The following PCDHGA8 variants were observed in gnomAD, a reference collection of about 807,000 sequenced individuals.
The protein encoded by PCDHGA8 is protocadherin gamma subfamily A, 8, also known as protocadherin gamma-A8.
PCDHGA8 carries 45 observed loss-of-function variants against 59.2 expected under a neutral mutation model. The observed-to-expected ratio is 0.76, with a 90% CI of 0.60 to 0.98. The LOEUF is 0.98. PCDHGA8 is among the 50% of genes least tolerant of loss of function. The probability of loss-of-function intolerance (pLI) is 0.00; values close to 1 mark genes in which losing one functional copy is unlikely to be tolerated. For synonymous variants in PCDHGA8, 531 were observed against 519.0 expected (o/e 1.02, Z -0.32); for missense variants, 1,257 against 1,196.2 (o/e 1.05, Z -0.75).
At chr5:141,446,766 C>T (rs1335326278) in intron 1 of PCDHGA8, among the ~76,000 whole-genome samples, 7 of 152,208 alleles carry the variant, frequency 4.6e-5, no homozygotes, top group East Asian at 3.9e-4. Context: ...CGCGCCCAGC[C>T]GGTTACCATT....
Position 141,491,067 on chromosome 5 carries a change from G to A in PCDHGA8, c.2425-3740G>A, listed in dbSNP as rs752758445. On this transcript the variant is annotated intron_variant, in intron 1 of 3. Coordinates refer to ENST00000398604, the MANE Select transcript of PCDHGA8 (RefSeq NM_032088.2). This position sits in a 1 kb window ranked among gnomAD's most constrained non-coding sequence, Gnocchi z 6.9. ...ACAATGCGTGGCTCTCCTACTCACT[G>A]TTGCCACAGTCCACAGCCCCAGGAC... is the stretch of plus-strand genomic sequence containing the variant. 6.2e-7 allele frequency: 1 copy of A among 1,614,200 alleles called. No individual in the cohort carries two copies. Among genetic ancestry groups the A allele is most frequent in the East Asian group, 2.2e-5 (1 of 44,892 alleles).
Position 141,476,870 on chromosome 5 carries a change from C to T in PCDHGA8, c.2425-17937C>T, listed in dbSNP as rs2099400432. 3 of 1,613,772 alleles carry T rather than the reference C, an allele frequency of 1.9e-6. No individual in the cohort carries two copies. Among genetic ancestry groups the T allele is most frequent in the South Asian group, 1.1e-5 (1 of 91,094 alleles). On this transcript the variant is annotated intron_variant, in intron 1 of 3. Coordinates refer to ENST00000398604, the MANE Select transcript of PCDHGA8 (RefSeq NM_032088.2). The surrounding 1 kb of genome is among the most constrained non-coding windows in gnomAD (Gnocchi z 7.6). ...CTTCAACCAGTCCTTGTACCGGGCGCGCGTCCTGGAGGATGCACCCTCCGG... is the reference window on the plus strand; with the variant it reads ...CTTCAACCAGTCCTTGTACCGGGCGTGCGTCCTGGAGGATGCACCCTCCGG...
At chr5:141,419,254 C>A in intron 1 of PCDHGA8, 1 of 1,614,020 alleles carries the variant, frequency 6.2e-7, no homozygotes, top group Non-Finnish European at 8.5e-7. Context: ...CAGAAAACAA[C>A]CAGCCGGGTG....
In PCDHGA8 at chr5:141,491,552, G is replaced by A. The variant is rs769927075; in HGVS notation, c.2425-3255G>A. 1 of 1,614,008 alleles carries A rather than the reference G, an allele frequency of 6.2e-7. No individual in the cohort carries two copies. The highest frequency in any genetic ancestry group is 1.7e-5 in the Admixed American group (1 of 60,024). On this transcript the variant is annotated intron_variant, in intron 1 of 3. Coordinates refer to ENST00000398604, the MANE Select transcript of PCDHGA8 (RefSeq NM_032088.2). This position sits in a 1 kb window ranked among gnomAD's most constrained non-coding sequence, Gnocchi z 6.9. Reference sequence around the variant, plus strand: ...ACGCTGCGGCCCACAGACTCGCAGAGCCACTGCTACAGGACGTGCTTTTCA... The same window carrying A: ...ACGCTGCGGCCCACAGACTCGCAGAACCACTGCTACAGGACGTGCTTTTCA...
chr5:141,500,036 T>C (rs1001193977), intron 2 of PCDHGA8, among the ~76,000 whole-genome samples: 8 of 152,176 alleles, frequency 5.3e-5, no homozygotes, highest in African/African-American at 1.9e-4. Flanking sequence ...TGAGTGTCTC[T>C]TAAGTATCTT....
chr5:141,417,839 C>A, intron 1 of PCDHGA8: 1 of 1,534,218 alleles, frequency 6.5e-7, no homozygotes, highest in South Asian at 1.2e-5. Flanking sequence ...AGCGGGGACC[C>A]AGCGAGAACC....
chr5:141,414,776 T>G (rs766689016), intron 1 of PCDHGA8: 14 of 1,614,212 alleles, frequency 8.7e-6, no homozygotes, highest in Non-Finnish European at 1.1e-5. Context: ...GAGCTACAGA[T>G]GCAGGTGACA....
chr5:141,404,739 G>A, intron 1 of PCDHGA8: 1 of 1,614,092 alleles, frequency 6.2e-7, no homozygotes, highest in Non-Finnish European at 8.5e-7. Flanking sequence ...GCAGTGGACA[G>A]AGACTCAGGC....
At chr5:141,504,817 G>T in intron 2 of PCDHGA8, among the ~76,000 whole-genome samples, 1 of 151,940 alleles carries the variant, frequency 6.6e-6, no homozygotes, top group East Asian at 1.9e-4. Flanking sequence ...TACCTCCTAG[G>T]TCCCCACTTT....
At chr5:141,398,287 C>G in intron 1 of PCDHGA8, 1 of 1,396,196 alleles carries the variant, frequency 7.2e-7, no homozygotes, top group Non-Finnish European at 9.8e-7. Flanking sequence ...CGCCACGGAC[C>G]TGGGGTTCAG....
chr5:141,478,143 A>T (rs759384540), intron 1 of PCDHGA8: 1 of 1,614,014 alleles, frequency 6.2e-7, no homozygotes, highest in Non-Finnish European at 8.5e-7. Flanking sequence ...GCCCGAGCCG[A>T]GTTCCCCTCT....
intron 1 of PCDHGA8, chr5:141,398,523 A>T (rs988295276): frequency 6.2e-7 from 1 of 1,613,602 alleles, no homozygotes; most frequent in Non-Finnish European, 8.5e-7. Context: ...ACACGCCAAA[A>T]TTCACGCAAA....
rs1328476453 is a variant in PCDHGA8, at chr5:141,431,444, C to T, written c.2424+36207C>T. 4.3e-6 allele frequency: 7 copies of T among 1,613,732 alleles called. No homozygotes were observed. The highest frequency in any genetic ancestry group is 5.9e-6 in the Non-Finnish European group (7 of 1,180,022). On this transcript the variant is annotated intron_variant, in intron 1 of 3. Transcript: ENST00000398604. The surrounding 1 kb of genome is among the most constrained non-coding windows in gnomAD (Gnocchi z 4.8). ...GGTGCGCACAGGCACCGCGCGCATCCGCGTGATGGTTCTGGATGCGAACGA... is the reference window on the plus strand; with the variant it reads ...GGTGCGCACAGGCACCGCGCGCATCTGCGTGATGGTTCTGGATGCGAACGA...
rs747268184 is a variant in PCDHGA8, at chr5:141,489,769, C to A, written c.2425-5038C>A. On this transcript the variant is annotated intron_variant, in intron 1 of 3. Coordinates refer to ENST00000398604, the MANE Select transcript of PCDHGA8 (RefSeq NM_032088.2). This position sits in a 1 kb window ranked among gnomAD's most constrained non-coding sequence, Gnocchi z 4.5. ...CTTTTACACTCTAAGCCCCAACAGC[C>A]ACTTCTCTCTGAATGTGAAGACCCT... The A allele has an allele frequency of 6.2e-7, 1 of 1,614,156 alleles. No individual in the cohort carries two copies. The highest frequency in any genetic ancestry group is 1.1e-5 in the South Asian group (1 of 91,080).
intron 1 of PCDHGA8, 62 bp from the exon 2 acceptor site, chr5:141,494,745 G>T: frequency 1.2e-6 from 2 of 1,612,802 alleles, no homozygotes; most frequent in African/African-American, 1.3e-5. Context: ...ATCCCTAGGG[G>T]CTCGGGTGAC....
rs1257565821 is a variant in PCDHGA8, at chr5:141,487,319, C to G, written c.2425-7488C>G. ...ATTCGTGGCACTACTCTCTAAGTGTCTTCGTGGGGCAGCCTGTGGAGTCAC... is the reference window on the plus strand; with the variant it reads ...ATTCGTGGCACTACTCTCTAAGTGTGTTCGTGGGGCAGCCTGTGGAGTCAC... On this transcript the variant is annotated intron_variant, in intron 1 of 3. Transcript: ENST00000398604. The surrounding 1 kb of genome is among the most constrained non-coding windows in gnomAD (Gnocchi z 5.0). The G allele has an allele frequency of 6.2e-7, 1 of 1,614,052 alleles. No homozygotes were observed. The highest frequency in any genetic ancestry group is 1.3e-5 in the African/African-American group (1 of 74,930).
chr5:141,477,189 A>G lies in PCDHGA8; in HGVS notation c.2425-17618A>G, dbSNP rs377372902. ...CCGGAGATCACAGTCACCTCCGTGT[A>G]CAGCCCAGTACCCGAGGATGCCCCT... On this transcript the variant is annotated intron_variant, in intron 1 of 3. Coordinates refer to ENST00000398604, the MANE Select transcript of PCDHGA8 (RefSeq NM_032088.2). The surrounding 1 kb of genome is among the most constrained non-coding windows in gnomAD (Gnocchi z 4.9). 6.2e-7 allele frequency: 1 copy of G among 1,614,070 alleles called. No homozygotes were observed. The highest frequency in any genetic ancestry group is 8.5e-7 in the Non-Finnish European group (1 of 1,180,040).
intron 1 of PCDHGA8, chr5:141,422,056 G>A: frequency 8.7e-6 from 14 of 1,611,934 alleles, no homozygotes; most frequent in Non-Finnish European, 1.2e-5. Flanking sequence ...AATCAACGGG[G>A]AAGTAATGTA....
chr5:141,479,453 A>G (rs994349416), intron 1 of PCDHGA8: 1 of 152,266 alleles, frequency 6.6e-6, no homozygotes, highest in Non-Finnish European at 1.5e-5. Context: ...TAAGTTCAGC[A>G]TGAATACAGT....
Sources: gnomAD v4.1 joint callset for allele counts (sites outside exome capture counted in the v4.1 genomes callset) on GRCh38, gnomAD v4.1.1 for gene constraint, Gnocchi (gnomAD v3.1) non-coding constraint, MANE v1.5 for transcripts, NCBI Gene and HGNC (gene_info 2026-07-23, HGNC 2026-07-21) for gene names.